Variants in SESN3 observed in about 807,000 individuals in gnomAD.
The protein encoded by SESN3 is sestrin-3.
A neutral mutation model predicts 55.3 loss-of-function variants in SESN3; 21 were observed. That is an observed-to-expected ratio of 0.38 (90% CI 0.27 to 0.55). SESN3 has a LOEUF of 0.55. Among genes scored for constraint, SESN3 ranks in the 20% least tolerant of loss-of-function variants. SESN3 has a pLI of 0.76. For missense variants in SESN3, 408 were observed against 604.3 expected (o/e 0.68, Z 3.41); for synonymous variants, 181 against 203.1 (o/e 0.89, Z 0.93).
intron 4 of SESN3, among the ~76,000 whole-genome samples, chr11:95,186,330 C>A (rs1860166611): frequency 6.7e-6 from 1 of 150,298 alleles, no homozygotes; most frequent in South Asian, 2.1e-4. Flanking sequence ...TAAAACAAAA[C>A]AAAACAAAAC....
At chr11:95,182,019 T>C (rs1463924764) in intron 6 of SESN3, 1 of 213,636 alleles carries the variant, frequency 4.7e-6, no homozygotes, top group African/African-American at 2.4e-5. Context: ...CATTATTTCC[T>C]TGAAATAGCC....
At chr11:95,215,667 A>G (rs746599612) in intron 1 of SESN3, among the ~76,000 whole-genome samples, 3 of 152,216 alleles carry the variant, frequency 2.0e-5, no homozygotes, top group African/African-American at 4.8e-5. Context: ...AAAATAATGA[A>G]GAGGAACTTA....
Position 95,178,797 on chromosome 11 carries a change from A to T in SESN3, c.969T>A (p.Asp323Glu), listed in dbSNP as rs1267965132. The T allele has an allele frequency of 4.2e-5, 68 of 1,608,850 alleles. No individual in the cohort carries two copies. The highest frequency in any genetic ancestry group is 5.7e-5 in the Non-Finnish European group (67 of 1,175,350). The change falls in exon 7 of 10, where the codon GAT becomes GAA. Residue 323 changes from aspartate (D) to glutamate (E), a missense_variant. Physicochemically the swap from Asp to Glu is conservative, Grantham distance 45. Around this residue, in one of 4 missense-constraint regions of SESN3, gnomAD observed 119 missense variants for 139.9 expected, o/e 0.85. Transcript: ENST00000536441. ...DFEDDMIITSDVSRYIEDPGF... is the reference protein window; with the variant it reads ...DFEDDMIITSEVSRYIEDPGF... ...CAGGGTCTTCAATATATCGAGAGACATCAGATGTTATAATCATGTCATCCT... is the reference window on the plus strand; with the variant it reads ...CAGGGTCTTCAATATATCGAGAGACTTCAGATGTTATAATCATGTCATCCT...
rs1260182536 is a variant in SESN3 at position 95,173,157 on chromosome 11, G to C, written c.*98C>G. ...CAAACGGCTAAACTTTGACACTAGA[G>C]AACTGAATAATTTTTGATGCTATAT... On this transcript the variant is annotated 3_prime_UTR_variant, in exon 10 of 10. Transcript: ENST00000536441. 6.1e-6 allele frequency: 4 copies of C among 652,368 alleles called. No homozygotes were observed. The highest frequency in any genetic ancestry group is 1.8e-5 in the African/African-American group (1 of 55,972). 40.4% of individuals were successfully genotyped at this position (652,368 alleles called of 1,614,324 possible). A position where few individuals can be genotyped will look rare whatever the true frequency, so the allele number is the denominator to read the frequency against.
rs1024245590 is a variant in SESN3 at position 95,231,093 on chromosome 11, G to A, written c.-233C>T. 2.6e-5 allele frequency: 11 copies of A among 416,642 alleles called. No homozygotes were observed. Among genetic ancestry groups the A allele is most frequent in the Admixed American group, 1.8e-4 (4 of 22,714 alleles). 25.8% of individuals were successfully genotyped at this position (416,642 alleles called of 1,614,324 possible). On this transcript the variant is annotated 5_prime_UTR_variant, in exon 1 of 10. Coordinates refer to ENST00000536441, the MANE Select transcript of SESN3 (RefSeq NM_144665.4). ...GAGACGGCGGCGGCTGCTCCTCACCGGCCCGTTGTTCCACCCGCCCCCATC... is the reference window on the plus strand; with the variant it reads ...GAGACGGCGGCGGCTGCTCCTCACCAGCCCGTTGTTCCACCCGCCCCCATC...
intron 9 of SESN3, among the ~76,000 whole-genome samples, chr11:95,174,510 G>A (rs564382127): frequency 3.9e-5 from 6 of 152,208 alleles, no homozygotes; most frequent in African/African-American, 1.4e-4. Flanking sequence ...GAGAGATGAA[G>A]TCTTGCTCTG....
intron 4 of SESN3, among the ~76,000 whole-genome samples, chr11:95,188,312 T>C (rs185309668): frequency 7.9e-5 from 12 of 151,726 alleles, no homozygotes; most frequent in Admixed American, 7.2e-4. Context: ...ATGTGTACCG[T>C]AATAAAAACA....
upstream of SESN3, chr11:95,232,348 A>G (rs1861088039): frequency 6.6e-6 from 1 of 152,272 alleles, no homozygotes; most frequent in South Asian, 2.1e-4. Context: ...GACGCCCGCA[A>G]CCTGCTCCCG....
At chr11:95,195,379 T>C (rs1182742909) in intron 1 of SESN3, among the ~76,000 whole-genome samples, 2 of 152,198 alleles carry the variant, frequency 1.3e-5, no homozygotes, top group African/African-American at 2.4e-5. Flanking sequence ...CCTTAGTGTT[T>C]AGCAATTGAA....
intron 1 of SESN3, among the ~76,000 whole-genome samples, chr11:95,220,762 G>A (rs1394202199): frequency 6.6e-6 from 1 of 152,146 alleles, no homozygotes; most frequent in Non-Finnish European, 1.5e-5. Context: ...TGCATAATGA[G>A]CCAGGCTTTG....
At position 95,177,850 on chromosome 11, in the gene SESN3, T is replaced by C; in HGVS notation, c.1116A>G (p.Gly372=). ...SLVNRLYSDI[G]HLLDEKFRMV... ...TCCGAAACTTTTCATCAAGAAGATG[T>C]CCAATGTCAGAATAAAGTCTGTTCA... The change falls in exon 8 of 10, where the codon GGA becomes GGG. Residue 372 remains glycine, a synonymous_variant. Coordinates refer to ENST00000536441, the MANE Select transcript of SESN3 (RefSeq NM_144665.4). The C allele has an allele frequency of 2.5e-6, 4 of 1,607,440 alleles. No individual in the cohort carries two copies. The highest frequency in any genetic ancestry group is 2.5e-6 in the Non-Finnish European group (3 of 1,178,026).
At chr11:95,207,365 CG>C (rs1860569989) in intron 1 of SESN3, among the ~76,000 whole-genome samples, 1 of 151,308 alleles carries the variant, frequency 6.6e-6, no homozygotes, top group Admixed American at 6.6e-5. Context: ...TAAGGTGATA[CG>C]ATGAAAAAGG....
intron 1 of SESN3, among the ~76,000 whole-genome samples, chr11:95,205,673 T>C (rs186694147): frequency 3.5e-4 from 54 of 152,276 alleles, no homozygotes; most frequent in African/African-American, 1.3e-3. Flanking sequence ...TGGAAGGATA[T>C]GGGTTTCAAG....
rs151037527 is a variant in SESN3 at position 95,216,128 on chromosome 11, A to G, written c.78+14655T>C. ...AAAAAAAGAAAAAAAAAAAAAAAGA[A>G]ATCCTTTATCTTAAATTGATTGATA... is the stretch of plus-strand genomic sequence containing the variant. On this transcript the variant is annotated intron_variant, in intron 1 of 9. Transcript: ENST00000536441. Among the ~76,000 whole-genome samples, 1,209 of 152,056 alleles carry G rather than the reference A, an allele frequency of 8.0e-3. 2 individuals are homozygous for G. Among genetic ancestry groups the G allele is most frequent in the Non-Finnish European group, 0.013 (896 of 67,948 alleles).
chr11:95,222,573 T>G lies in SESN3; in HGVS notation c.78+8210A>C, dbSNP rs1396717311. Among the ~76,000 whole-genome samples the G allele has an allele frequency of 2.6e-5, 4 of 152,228 alleles. No individual in the cohort carries two copies. The East Asian group carries it at 7.7e-4, about 29-fold the overall frequency. On this transcript the variant is annotated intron_variant, in intron 1 of 9. Transcript: ENST00000536441. ...ATGTCTTTAAATCAAAATCCTATTT[T>G]GCTAACAATAAACTCTCCATTAACT...
chr11:95,180,613 A>G (rs1860042848), intron 6 of SESN3, among the ~76,000 whole-genome samples: 1 of 152,168 alleles, frequency 6.6e-6, no homozygotes, highest in Admixed American at 6.6e-5. Flanking sequence ...AGAAATATCC[A>G]TTTAAGAAAT....
intron 8 of SESN3, among the ~76,000 whole-genome samples, chr11:95,176,930 A>G (rs1371009066): frequency 1.3e-5 from 2 of 152,162 alleles, no homozygotes; most frequent in African/African-American, 4.8e-5. Flanking sequence ...ATATCGTGTT[A>G]TTAGGCGATT....
intron 1 of SESN3, among the ~76,000 whole-genome samples, chr11:95,208,246 C>G (rs1860586495): frequency 6.6e-6 from 1 of 150,982 alleles, no homozygotes; most frequent in African/African-American, 2.4e-5. Flanking sequence ...TGGACTTGTC[C>G]TCACATATTT....
intron 9 of SESN3, among the ~76,000 whole-genome samples, chr11:95,175,024 G>A (rs1859928846): frequency 6.6e-6 from 1 of 152,006 alleles, no homozygotes; most frequent in Non-Finnish European, 1.5e-5. Flanking sequence ...GGCCCAGAAG[G>A]CACATCCATT....
Sources: allele counts gnomAD v4.1 joint callset (sites outside exome capture counted in the v4.1 genomes callset), GRCh38; gene constraint gnomAD v4.1.1; regional missense constraint gnomAD v4.1.1; transcripts MANE v1.5; gene names NCBI Gene and HGNC (gene_info 2026-07-23, HGNC 2026-07-21).